Variants in CHPT1 observed in about 807,000 individuals in gnomAD.
CHPT1 encodes the protein cholinephosphotransferase 1.
A neutral mutation model predicts 47.6 loss-of-function variants in CHPT1; 36 were observed. The observed-to-expected ratio is 0.76, with a 90% CI of 0.58 to 1.00. The LOEUF is 1.00. Among genes scored for constraint, CHPT1 ranks in the 50% least tolerant of loss-of-function variants. CHPT1 has a pLI of 0.00. For synonymous variants in CHPT1, 194 were observed against 186.3 expected, an observed-to-expected ratio of 1.04 and a Z score of -0.33; for missense variants, 458 against 498.1, an observed-to-expected ratio of 0.92 and a Z score of 0.77.
intron 8 of CHPT1, chr12:101,728,660 G>A (rs1177328771): frequency 1.7e-5 from 7 of 412,594 alleles, no homozygotes; most frequent in African/African-American, 4.1e-5. Flanking sequence ...AAATTAAATC[G>A]TCTTTATTTA....
At position 101,723,850 on chromosome 12, in the gene CHPT1, A is replaced by G; in HGVS notation, c.1065+3A>G. 6.7e-7 allele frequency: 1 copy of G among 1,499,404 alleles called. No homozygotes were observed. The highest frequency in any genetic ancestry group is 9.2e-7 in the Non-Finnish European group (1 of 1,090,040). 92.9% of individuals were successfully genotyped at this position (1,499,404 alleles called of 1,614,324 possible). ...ATGTTGTTCTATGGATGGCAATGGT[A>G]AGTATTTTTCTCCATTTTATTTATT... is the stretch of plus-strand genomic sequence containing the variant. On this transcript the variant is annotated splice_donor_region_variant and intron_variant, in intron 7 of 8. Coordinates refer to ENST00000229266, the MANE Select transcript of CHPT1 (RefSeq NM_020244.3).
intron 1 of CHPT1, among the ~76,000 whole-genome samples, chr12:101,699,608 G>C (rs1432987747): frequency 6.6e-6 from 1 of 151,984 alleles, no homozygotes; most frequent in Non-Finnish European, 1.5e-5. Context: ...GGCTGGTCTC[G>C]AACTCCTGAC....
At chr12:101,698,365 A>AGGTCACTGCCCCAGGTCCTATGTCC (rs1951497435) in intron 1 of CHPT1, among the ~76,000 whole-genome samples, 3 of 152,172 alleles carry the variant, frequency 2.0e-5, no homozygotes, top group Non-Finnish European at 4.4e-5. Flanking sequence ...GGGGCTGTTA[A>AGGTCACTGCCCCAGGTCCTATGTCC]GGTCACTGCC....
In CHPT1 at chr12:101,701,822, G is replaced by A. The variant is rs575387001; in HGVS notation, c.273+3688G>A. On this transcript the variant is annotated intron_variant, in intron 1 of 8. Coordinates refer to ENST00000229266, the MANE Select transcript of CHPT1 (RefSeq NM_020244.3). The stretch of plus-strand genomic sequence containing the variant: ...TTGTTTGTTTTCTAAATTATTGGCT[G>A]CAGGAATGAAATAACACAATGTGAT... Among the ~76,000 whole-genome samples, 121 of 152,308 alleles carry A rather than the reference G, an allele frequency of 7.9e-4. 1 individual carries two copies. In the South Asian group the frequency reaches 0.011, roughly 13 times the overall value.
rs1242074061 is a variant in CHPT1, at chr12:101,712,574, T to C, written c.274-1516T>C. 2.0e-5 allele frequency among the ~76,000 whole-genome samples: 3 copies of C among 148,698 alleles called. 1 individual carries two copies. The East Asian group carries it at 6.0e-4, about 30-fold the overall frequency. On this transcript the variant is annotated intron_variant, in intron 1 of 8. Coordinates refer to ENST00000229266, the MANE Select transcript of CHPT1 (RefSeq NM_020244.3). ...TTTCTGTTGTCCCACCACTCGCCGA[T>C]GCACAGTTCAATTATTTTTAGTCGT...
At chr12:101,717,288 C>T (rs1247508996) in intron 4 of CHPT1, 2 of 454,666 alleles carry the variant, frequency 4.4e-6, no homozygotes, top group Admixed American at 2.4e-5. Flanking sequence ...GCTTGGTGAC[C>T]TCAGTAGTTT....
At chr12:101,726,248 AAGAT>A (rs1361877644) in intron 7 of CHPT1, 42 bp from the exon 8 acceptor site, 1 of 1,304,060 alleles carries the variant, frequency 7.7e-7, no homozygotes, top group Admixed American at 1.8e-5. Flanking sequence ...TACTTGAGAA[AAGAT>A]AGATCATAAT....
In CHPT1 at chr12:101,714,236, A is replaced by G. The variant is rs1020181240; in HGVS notation, c.420A>G (p.Thr140=). 13 of 1,566,014 alleles carry G rather than the reference A, an allele frequency of 8.3e-6. No individual in the cohort carries two copies. Among genetic ancestry groups the G allele is most frequent in the Non-Finnish European group, 1.1e-5 (13 of 1,163,138 alleles). ...LFDHGCDSLS[T]VFMAVGASIA... is the part of the protein sequence containing the mutation. ...ACCATGGCTGTGACTCTCTTTCCAC[A>G]GGTAAATTAGTGGAGTTTTTTATTT... Residue 140 remains threonine, a splice_region_variant and synonymous_variant, in exon 2 of 9, where the codon ACA becomes ACG. Transcript: ENST00000229266.
chr12:101,707,998 T>C (rs987713365), intron 1 of CHPT1, among the ~76,000 whole-genome samples: 1 of 152,126 alleles, frequency 6.6e-6, no homozygotes, highest in African/African-American at 2.4e-5. Flanking sequence ...TCTGGAAGAG[T>C]AAATCATGTG....
chr12:101,702,982 A>G (rs537882510), intron 1 of CHPT1, among the ~76,000 whole-genome samples: 3 of 152,300 alleles, frequency 2.0e-5, no homozygotes, highest in African/African-American at 7.2e-5. Context: ...GACTCTTCAG[A>G]TAATGTGGAG....
chr12:101,728,209 C>T (rs1952016799), intron 8 of CHPT1: 2 of 152,312 alleles, frequency 1.3e-5, no homozygotes, highest in Non-Finnish European at 2.9e-5. Context: ...GAGATTACTC[C>T]ACTGCACTCC....
chr12:101,727,719 T>A (rs1254311801), intron 8 of CHPT1: 1 of 152,154 alleles, frequency 6.6e-6, no homozygotes, highest in African/African-American at 2.4e-5. Context: ...TACTTATGAT[T>A]TATATTCTAA....
intron 7 of CHPT1, 76 bp downstream of exon 7, chr12:101,723,923 A>G: frequency 8.8e-7 from 1 of 1,138,240 alleles, no homozygotes; most frequent in Non-Finnish European, 1.3e-6. Context: ...AGTAGCCTCA[A>G]GATCTAGTCT....
chr12:101,714,797 C>G, intron 3 of CHPT1, 152 bp downstream of exon 3: 1 of 595,630 alleles, frequency 1.7e-6, no homozygotes, highest in Non-Finnish European at 2.7e-6. Context: ...CACCTTAAGT[C>G]TTTTAGGTAC....
At chr12:101,720,348 T>G in intron 5 of CHPT1, 94 bp downstream of exon 5, 2 of 1,085,948 alleles carry the variant, frequency 1.8e-6, no homozygotes, top group Non-Finnish European at 2.7e-6. Flanking sequence ...AGTTCAAGAA[T>G]GGGGAAGGAA....
At chr12:101,716,914 A>ATT in intron 4 of CHPT1, 102 bp downstream of exon 4, 21 of 556,128 alleles carry the variant, frequency 3.8e-5, no homozygotes, top group Non-Finnish European at 5.0e-5. Context: ...ATTGTATTTA[A>ATT]TTTTTTTTTT....
At chr12:101,719,289 A>G (rs916975309) in intron 4 of CHPT1, among the ~76,000 whole-genome samples, 5 of 152,228 alleles carry the variant, frequency 3.3e-5, no homozygotes, top group Admixed American at 6.5e-5. Context: ...TGTTTTGGCA[A>G]TATCGTAGGA....
chr12:101,698,201 G>C, intron 1 of CHPT1, 67 bp downstream of exon 1: 1 of 1,370,682 alleles, frequency 7.3e-7, no homozygotes, highest in Non-Finnish European at 9.4e-7. Context: ...GAGGCGCCGG[G>C]GGAAGGGCGG....
chr12:101,698,244 G>T (rs1019273421), intron 1 of CHPT1, 110 bp downstream of exon 1: 1 of 1,334,914 alleles, frequency 7.5e-7, no homozygotes, highest in African/African-American at 1.6e-5. Context: ...CCCGGGCCCC[G>T]GAGGGGCGGA....
Sources: allele counts gnomAD v4.1 joint callset (sites outside exome capture counted in the v4.1 genomes callset), GRCh38; gene constraint gnomAD v4.1.1; transcripts MANE v1.5; gene names NCBI Gene and HGNC (gene_info 2026-07-23, HGNC 2026-07-21).